Variants in USP6NL observed in about 807,000 individuals in gnomAD.
USP6NL encodes the protein USP6 N-terminal like.
In USP6NL, 26 loss-of-function variants were observed where a neutral mutation model predicts 61.9. The observed-to-expected ratio is 0.42, with a 90% CI of 0.31 to 0.58. The LOEUF is 0.58. Ranked by LOEUF, USP6NL falls within the 20% of genes least tolerant of loss-of-function variation. The pLI is 0.16. For synonymous variants in USP6NL, 432 were observed against 390.1 expected, an observed-to-expected ratio of 1.11 and a Z score of -1.27; for missense variants, 1,114 against 1,034.3, an observed-to-expected ratio of 1.08 and a Z score of -1.06.
At chr10:11,505,383 A>G (rs2440080) in intron 6 of USP6NL, among the ~76,000 whole-genome samples, 6,637 of 152,284 alleles carry the variant, frequency 0.044, 379 homozygotes, top group African/African-American at 0.13. Context: ...GGTAGGTACT[A>G]TTATTAACAT....
intron 6 of USP6NL, 104 bp downstream of exon 6, chr10:11,509,491 C>T (rs1834603511): frequency 8.7e-7 from 1 of 1,154,254 alleles, no homozygotes; most frequent in East Asian, 2.7e-5. Context: ...AATTTCAAAA[C>T]CAAATATGAA....
In USP6NL at chr10:11,561,260, T is replaced by A. The variant is rs1387339903; in HGVS notation, c.5-33693A>T. Among the ~76,000 whole-genome samples, 4 of 152,202 alleles carry A rather than the reference T, an allele frequency of 2.6e-5. No homozygotes were observed. Among genetic ancestry groups the A allele is most frequent in the Non-Finnish European group, 5.9e-5 (4 of 68,024 alleles). On this transcript the variant is annotated intron_variant, in intron 2 of 14. Transcript: ENST00000609104. This position sits in a 1 kb window ranked among gnomAD's most constrained non-coding sequence, Gnocchi z 4.1. ...TCATGCTTATAAAATATTCAAGCAATACAGAAATGCATTAAGAAAAGTGAA... is the reference window on the plus strand; with the variant it reads ...TCATGCTTATAAAATATTCAAGCAAAACAGAAATGCATTAAGAAAAGTGAA...
Position 11,589,159 on chromosome 10 carries a change from G to A in USP6NL, c.4+8472C>T, listed in dbSNP as rs932375152. 2.0e-5 allele frequency among the ~76,000 whole-genome samples: 3 copies of A among 152,140 alleles called. No individual in the cohort carries two copies. Among genetic ancestry groups the A allele is most frequent in the African/African-American group, 7.2e-5 (3 of 41,422 alleles). ...GCAACCTGCTTTATATAGCTTCTAG[G>A]TCACATCTGTCAGCAGAAACGTTTT... On this transcript the variant is annotated intron_variant, in intron 2 of 14. Transcript: ENST00000609104. The surrounding 1 kb of genome is among the most constrained non-coding windows in gnomAD (Gnocchi z 4.7).
rs1258487998 is a variant in USP6NL at position 11,510,175 on chromosome 10, G to T, written c.196-500C>A. Among the ~76,000 whole-genome samples the T allele has an allele frequency of 6.6e-6, 1 of 152,056 alleles. No individual in the cohort carries two copies. Among genetic ancestry groups the T allele is most frequent in the Non-Finnish European group, 1.5e-5 (1 of 68,008 alleles). ...AAACTATTAAAAAAAATAAAACTAA[G>T]TACTAGTTGCTGCCCTAAAGAAATT... On this transcript the variant is annotated intron_variant, in intron 5 of 14. Transcript: ENST00000609104. This position sits in a 1 kb window ranked among gnomAD's most constrained non-coding sequence, Gnocchi z 4.8.
At chr10:11,492,803 T>C (rs377422273) in intron 8 of USP6NL, among the ~76,000 whole-genome samples, 17 of 152,342 alleles carry the variant, frequency 1.1e-4, no homozygotes, top group African/African-American at 3.6e-4. Flanking sequence ...TAGAGATACA[T>C]TGATCACTGA....
At chr10:11,603,224 T>C (rs527818066) in intron 1 of USP6NL, among the ~76,000 whole-genome samples, 2 of 152,108 alleles carry the variant, frequency 1.3e-5, no homozygotes, top group Non-Finnish European at 2.9e-5. Context: ...CTTCCACAGG[T>C]AGGTTTCCAG....
intron 2 of USP6NL, among the ~76,000 whole-genome samples, chr10:11,594,693 T>A (rs1838268591): frequency 6.6e-6 from 1 of 152,070 alleles, no homozygotes; most frequent in Non-Finnish European, 1.5e-5. Context: ...ACACATACAC[T>A]CTTCTCACGG....
rs968665626 is a variant in USP6NL at position 11,528,257 on chromosome 10, GT to G, written c.5-691del. On this transcript the variant is annotated intron_variant, in intron 2 of 14. Transcript: ENST00000609104. This position sits in a 1 kb window ranked among gnomAD's most constrained non-coding sequence, Gnocchi z 4.6. ...GAAATAGTATGAATATATACCATAA[GT>G]TTTTTTAAAAGATCAATAACAGACT... Among the ~76,000 whole-genome samples the G allele has an allele frequency of 1.7e-4, 25 of 149,764 alleles. No individual in the cohort carries two copies. The highest frequency in any genetic ancestry group is 5.7e-4 in the African/African-American group (23 of 40,528).
chr10:11,474,448 C>T lies in USP6NL; in HGVS notation c.1078+7322G>A, dbSNP rs1439147721. Among the ~76,000 whole-genome samples the T allele has an allele frequency of 1.3e-5, 2 of 152,008 alleles. No individual in the cohort carries two copies. Among genetic ancestry groups the T allele is most frequent in the African/African-American group, 2.4e-5 (1 of 41,396 alleles). ...TGAAATTTGATACATTGAAAGGAAA[C>T]TGGATATATTACATTTATAAAGGCA... On this transcript the variant is annotated intron_variant, in intron 14 of 14. Transcript: ENST00000609104. This position sits in a 1 kb window ranked among gnomAD's most constrained non-coding sequence, Gnocchi z 4.9.
intron 6 of USP6NL, among the ~76,000 whole-genome samples, chr10:11,504,978 T>C (rs1159289091): frequency 1.3e-5 from 2 of 152,162 alleles, no homozygotes; most frequent in Non-Finnish European, 2.9e-5. Flanking sequence ...TACAAAAAGA[T>C]ACATACAATT....
intron 2 of USP6NL, among the ~76,000 whole-genome samples, chr10:11,557,700 A>G (rs1836767119): frequency 6.6e-6 from 1 of 152,224 alleles, no homozygotes; most frequent in Non-Finnish European, 1.5e-5. Flanking sequence ...CGAGTGCATG[A>G]GAGCACAGAG....
intron 2 of USP6NL, among the ~76,000 whole-genome samples, chr10:11,555,111 T>G (rs1335843824): frequency 6.8e-6 from 1 of 146,436 alleles, no homozygotes; most frequent in Non-Finnish European, 1.5e-5. Flanking sequence ...TTTTTTTGGT[T>G]TTTTTTTTTA....
intron 14 of USP6NL, among the ~76,000 whole-genome samples, chr10:11,467,979 G>T (rs1832547413): frequency 6.6e-6 from 1 of 152,184 alleles, no homozygotes. Flanking sequence ...TTAAGACTTT[G>T]CCAGACACTT....
At chr10:11,473,028 T>C (rs1233874885) in intron 14 of USP6NL, among the ~76,000 whole-genome samples, 3 of 152,192 alleles carry the variant, frequency 2.0e-5, no homozygotes, top group East Asian at 1.9e-4. Context: ...ATTATATGAA[T>C]AAATAAAAGT....
At chr10:11,521,538 G>A (rs185882352) in intron 4 of USP6NL, among the ~76,000 whole-genome samples, 1,951 of 151,654 alleles carry the variant, frequency 0.013, 40 homozygotes, top group African/African-American at 0.045. Flanking sequence ...GCGCCACCAC[G>A]CCTGGCTAAT....
rs1838585046 is a variant in USP6NL at position 11,602,820 on chromosome 10, T to C, written c.-83-5103A>G. Among the ~76,000 whole-genome samples the C allele has an allele frequency of 6.6e-6, 1 of 152,188 alleles. No homozygotes were observed. Among genetic ancestry groups the C allele is most frequent in the Non-Finnish European group, 1.5e-5 (1 of 68,032 alleles). Reference sequence around the variant, plus strand: ...CACTTCTGGTCCCAAGCATTTCAGGTAAGAGATACTCAACCTGTCATATCT... The same window carrying C: ...CACTTCTGGTCCCAAGCATTTCAGGCAAGAGATACTCAACCTGTCATATCT... On this transcript the variant is annotated intron_variant, in intron 1 of 14. Coordinates refer to ENST00000609104, the MANE Select transcript of USP6NL (RefSeq NM_014688.5). This position sits in a 1 kb window ranked among gnomAD's most constrained non-coding sequence, Gnocchi z 4.8.
rs780271416 is a variant in USP6NL, at chr10:11,589,211, C to T, written c.4+8420G>A. ...TATAATAAAGCATGCCAACAAAATA[C>T]ATCCTACTAGTCACATTATAGTGGT... On this transcript the variant is annotated intron_variant, in intron 2 of 14. Coordinates refer to ENST00000609104, the MANE Select transcript of USP6NL (RefSeq NM_014688.5). This position sits in a 1 kb window ranked among gnomAD's most constrained non-coding sequence, Gnocchi z 4.7. Among the ~76,000 whole-genome samples, 4 of 152,178 alleles carry T rather than the reference C, an allele frequency of 2.6e-5. No homozygotes were observed. Among genetic ancestry groups the T allele is most frequent in the Non-Finnish European group, 5.9e-5 (4 of 68,024 alleles).
At position 11,499,948 on chromosome 10, in the gene USP6NL, T is replaced by A. The variant is rs1834106462; in HGVS notation, c.384+1153A>T. On this transcript the variant is annotated intron_variant, in intron 7 of 14. Coordinates refer to ENST00000609104, the MANE Select transcript of USP6NL (RefSeq NM_014688.5). This position sits in a 1 kb window ranked among gnomAD's most constrained non-coding sequence, Gnocchi z 4.5. ...TACTAACAGAGCACCTACCATATGC[T>A]AGGCACACTGTACTAGGTGCTGGGG... 6.6e-6 allele frequency among the ~76,000 whole-genome samples: 1 copy of A among 152,186 alleles called. No individual in the cohort carries two copies. Among genetic ancestry groups the A allele is most frequent in the South Asian group, 2.1e-4 (1 of 4,832 alleles).
At chr10:11,534,619 G>A (rs528947784) in intron 2 of USP6NL, among the ~76,000 whole-genome samples, 52 of 152,250 alleles carry the variant, frequency 3.4e-4, no homozygotes, top group South Asian at 1.5e-3. Flanking sequence ...CTGAAGACAA[G>A]CAATTAACAG....
Sources: allele counts gnomAD v4.1 joint callset (sites outside exome capture counted in the v4.1 genomes callset), GRCh38; gene constraint gnomAD v4.1.1; non-coding constraint Gnocchi (gnomAD v3.1); transcripts MANE v1.5; gene names NCBI Gene and HGNC (gene_info 2026-07-23, HGNC 2026-07-21).